Variants in TAF1B observed in about 807,000 individuals in gnomAD.
TAF1B encodes the protein TATA box-binding protein-associated factor RNA polymerase I subunit B.
A neutral mutation model predicts 83.9 loss-of-function variants in TAF1B; 61 were observed. That is an observed-to-expected ratio of 0.73 (90% confidence interval 0.59 to 0.90). TAF1B has a LOEUF of 0.90. Among genes scored for constraint, TAF1B ranks in the 40% least tolerant of loss-of-function variants. The pLI is 0.00. For missense variants in TAF1B, 625 were observed against 677.0 expected (o/e 0.92, Z 0.85); for synonymous variants, 221 against 224.6 (o/e 0.98, Z 0.14).
chr2:9,890,042 A>G (rs1032170725), intron 8 of TAF1B, among the ~76,000 whole-genome samples: 5 of 152,186 alleles, frequency 3.3e-5, no homozygotes, highest in South Asian at 2.1e-4. Flanking sequence ...TGTCTATGCA[A>G]TTTTGTCCTT....
At chr2:9,891,904 G>C (rs1664884141) in intron 8 of TAF1B, among the ~76,000 whole-genome samples, 1 of 152,146 alleles carries the variant, frequency 6.6e-6, no homozygotes, top group Non-Finnish European at 1.5e-5. Context: ...AGTTTATATA[G>C]AAAAGATGCA....
At chr2:9,898,328 G>GA (rs1390695270) in intron 8 of TAF1B, among the ~76,000 whole-genome samples, 1 of 152,190 alleles carries the variant, frequency 6.6e-6, no homozygotes, top group East Asian at 1.9e-4. Context: ...AAGTGATTCT[G>GA]ATGGAGATTA....
intron 5 of TAF1B, among the ~76,000 whole-genome samples, chr2:9,858,064 G>A (rs1375313025): frequency 6.6e-6 from 1 of 152,086 alleles, no homozygotes; most frequent in African/African-American, 2.4e-5. Flanking sequence ...TAACTCAAAA[G>A]TCCAAGTCCA....
At chr2:9,844,842 C>T (rs1476816241) in intron 1 of TAF1B, among the ~76,000 whole-genome samples, 2 of 152,090 alleles carry the variant, frequency 1.3e-5, no homozygotes, top group Non-Finnish European at 2.9e-5. Flanking sequence ...CTGTGGTATG[C>T]GCTTTTAGTG....
chr2:9,898,438 A>G (rs1219483842), intron 8 of TAF1B, among the ~76,000 whole-genome samples: 1 of 152,222 alleles, frequency 6.6e-6, no homozygotes, highest in Admixed American at 6.5e-5. Flanking sequence ...GCAGATAACC[A>G]AAGGGTCAGT....
intron 4 of TAF1B, 133 bp downstream of exon 4, chr2:9,851,771 C>T (rs1663403673): frequency 6.7e-6 from 5 of 745,368 alleles, no homozygotes; most frequent in Non-Finnish European, 1.1e-5. Flanking sequence ...GATGTTTTTG[C>T]TTTAATCCTT....
At chr2:9,868,716 A>G (rs758043655) in intron 6 of TAF1B, 8 of 562,568 alleles carry the variant, frequency 1.4e-5, no homozygotes, top group South Asian at 4.6e-5. Flanking sequence ...AGAAAGATCT[A>G]TATGTGTGGG....
At chr2:9,901,337 T>A (rs1229816921) in intron 8 of TAF1B, among the ~76,000 whole-genome samples, 2 of 151,010 alleles carry the variant, frequency 1.3e-5, no homozygotes, top group Non-Finnish European at 3.0e-5. Context: ...ATCTATAGGA[T>A]AGATAGGTAG....
chr2:9,882,444 T>A (rs1391560668), intron 7 of TAF1B, among the ~76,000 whole-genome samples: 1 of 152,218 alleles, frequency 6.6e-6, no homozygotes, highest in African/African-American at 2.4e-5. Flanking sequence ...TACAAGCATG[T>A]GCCACTGTGT....
chr2:9,868,960 C>G (rs1664083070), intron 6 of TAF1B, among the ~76,000 whole-genome samples: 1 of 152,182 alleles, frequency 6.6e-6, no homozygotes, highest in South Asian at 2.1e-4. Context: ...GTATCCACAT[C>G]TCTTCCTGGA....
chr2:9,873,620 ATTTTTTTTT>A (rs540990898), intron 6 of TAF1B, among the ~76,000 whole-genome samples: 9 of 117,590 alleles, frequency 7.7e-5, no homozygotes, highest in African/African-American at 2.8e-4. Context: ...ATCAAACTGG[ATTTTTTTTT>A]TTTTTTTTTT....
rs958805320 is a variant in TAF1B at position 9,845,084 on chromosome 2, C to G, written c.19-136C>G. ...CTCTCCTTGTTTGCGGATAATCTCTCTGACATATTTTTTATTGTCTATGAT... is the reference window on the plus strand; with the variant it reads ...CTCTCCTTGTTTGCGGATAATCTCTGTGACATATTTTTTATTGTCTATGAT... On this transcript the variant is annotated intron_variant, in intron 1 of 14. Coordinates refer to ENST00000263663, the MANE Select transcript of TAF1B (RefSeq NM_005680.3). 4.5e-5 allele frequency: 24 copies of G among 530,394 alleles called. No individual in the cohort carries two copies. The African/African-American group carries it at 4.6e-4, about 10-fold the overall frequency. 32.9% of individuals were successfully genotyped at this position (530,394 alleles called of 1,614,324 possible). A position where few individuals can be genotyped will look rare whatever the true frequency, so the allele number is the denominator to read the frequency against.
chr2:9,931,991 C>G (rs1037180563), intron 14 of TAF1B, among the ~76,000 whole-genome samples: 17 of 152,188 alleles, frequency 1.1e-4, no homozygotes, highest in African/African-American at 4.1e-4. Context: ...TCACATAGTT[C>G]TCATGCCATG....
At chr2:9,932,040 G>A (rs61310869) in intron 14 of TAF1B, among the ~76,000 whole-genome samples, 1,633 of 152,154 alleles carry the variant, frequency 0.011, 33 homozygotes, top group African/African-American at 0.037. Flanking sequence ...TCTTCTCTAC[G>A]CTGTTTGTTC....
chr2:9,880,395 A>AAATAGATT (rs996512207), intron 7 of TAF1B, among the ~76,000 whole-genome samples: 2 of 147,630 alleles, frequency 1.4e-5, no homozygotes, highest in African/African-American at 4.9e-5. Flanking sequence ...CTAGGAAGGG[A>AAATAGATT]AATAGATTGT....
intron 5 of TAF1B, among the ~76,000 whole-genome samples, chr2:9,865,389 C>T (rs1258922026): frequency 6.6e-5 from 10 of 152,058 alleles, no homozygotes; most frequent in South Asian, 2.1e-4. Flanking sequence ...ACAAGGCATG[C>T]GAAGGACCTC....
intron 14 of TAF1B, among the ~76,000 whole-genome samples, chr2:9,922,686 G>A (rs1665911492): frequency 6.6e-6 from 1 of 152,044 alleles, no homozygotes; most frequent in South Asian, 2.1e-4. Context: ...ACACTAGAAT[G>A]TAAGGGCCTT....
intron 8 of TAF1B, among the ~76,000 whole-genome samples, chr2:9,901,042 A>G (rs961118595): frequency 7.2e-5 from 11 of 152,176 alleles, no homozygotes; most frequent in Non-Finnish European, 1.5e-5. Flanking sequence ...TAAATTTTCT[A>G]TAATGTTGAT....
At chr2:9,880,665 TTGTC>T (rs1664477198) in intron 7 of TAF1B, among the ~76,000 whole-genome samples, 2 of 152,022 alleles carry the variant, frequency 1.3e-5, no homozygotes, top group Admixed American at 6.6e-5. Context: ...TGCAGGCTGT[TTGTC>T]TGACCTATTA....
Sources: allele counts gnomAD v4.1 joint callset (sites outside exome capture counted in the v4.1 genomes callset), GRCh38; gene constraint gnomAD v4.1.1; transcripts MANE v1.5; gene names NCBI Gene and HGNC (gene_info 2026-07-23, HGNC 2026-07-21).